The following CHCHD6 variants were observed in gnomAD, a reference collection of about 807,000 sequenced individuals.
CHCHD6 encodes MICOS complex subunit MIC25.
A neutral mutation model predicts 32.3 loss-of-function variants in CHCHD6; 28 were observed. The ratio of observed to expected loss-of-function variants is 0.87; its 90% CI spans 0.64 to 1.19. CHCHD6 has a LOEUF of 1.19. Ranked by LOEUF, CHCHD6 falls within the 50% of genes most tolerant of loss-of-function variation. The pLI is 0.00. For synonymous variants in CHCHD6, 122 were observed against 117.5 expected (o/e 1.04, Z -0.25); for missense variants, 333 against 307.0 (o/e 1.08, Z -0.63).
intron 5 of CHCHD6, among the ~76,000 whole-genome samples, chr3:126,900,246 C>T (rs1446196635): frequency 6.6e-6 from 1 of 152,112 alleles, no homozygotes; most frequent in East Asian, 1.9e-4. Context: ...ACCTCTATGT[C>T]CTGGGCAGGT....
chr3:126,912,438 G>A (rs1475609572), intron 5 of CHCHD6, among the ~76,000 whole-genome samples: 1 of 152,008 alleles, frequency 6.6e-6, no homozygotes, highest in Non-Finnish European at 1.5e-5. Context: ...CCCCCTTGCT[G>A]GGCATTTTGG....
At chr3:126,827,504 G>A (rs1167731221) in intron 4 of CHCHD6, among the ~76,000 whole-genome samples, 1 of 152,206 alleles carries the variant, frequency 6.6e-6, no homozygotes, top group African/African-American at 2.4e-5. Flanking sequence ...GCCTTGTGCT[G>A]CAGCAGCCCT....
intron 5 of CHCHD6, among the ~76,000 whole-genome samples, chr3:126,854,497 T>C (rs1024557902): frequency 6.6e-6 from 1 of 152,178 alleles, no homozygotes; most frequent in African/African-American, 2.4e-5. Flanking sequence ...TGAAAAAGGT[T>C]TTTGATCTTC....
chr3:126,953,736 C>T (rs1175577610), intron 6 of CHCHD6, among the ~76,000 whole-genome samples: 1 of 152,174 alleles, frequency 6.6e-6, no homozygotes, highest in Non-Finnish European at 1.5e-5. Flanking sequence ...TGGTGTGAAC[C>T]CCTTCGAAGC....
chr3:126,846,251 C>G (rs565431331), intron 4 of CHCHD6, among the ~76,000 whole-genome samples: 8 of 152,264 alleles, frequency 5.3e-5, no homozygotes, highest in African/African-American at 1.9e-4. Context: ...TTGCCCAGTG[C>G]TAACAGCTTT....
chr3:126,832,180 A>C (rs903279531), intron 4 of CHCHD6, among the ~76,000 whole-genome samples: 12 of 152,190 alleles, frequency 7.9e-5, no homozygotes, highest in Non-Finnish European at 1.8e-4. Flanking sequence ...CACACTTAGC[A>C]AGGTTCAGAA....
At chr3:126,941,280 A>C (rs532965642) in intron 6 of CHCHD6, among the ~76,000 whole-genome samples, 48 of 152,336 alleles carry the variant, frequency 3.2e-4, no homozygotes, top group Non-Finnish European at 6.6e-4. Flanking sequence ...TCCCATTAGC[A>C]CTGATATAAA....
At chr3:126,916,426 A>G (rs2078172559) in intron 6 of CHCHD6, among the ~76,000 whole-genome samples, 2 of 151,390 alleles carry the variant, frequency 1.3e-5, no homozygotes, top group African/African-American at 2.4e-5. Context: ...AAGAAGGCCA[A>G]TTATCCTGAA....
At chr3:126,910,927 G>A (rs184131964) in intron 5 of CHCHD6, among the ~76,000 whole-genome samples, 65 of 152,284 alleles carry the variant, frequency 4.3e-4, no homozygotes, top group Admixed American at 3.3e-3. Context: ...TGACAAGGAC[G>A]GGGTGCACAG....
chr3:126,885,470 C>T (rs2077666850), intron 5 of CHCHD6, among the ~76,000 whole-genome samples: 1 of 152,182 alleles, frequency 6.6e-6, no homozygotes, highest in Non-Finnish European at 1.5e-5. Flanking sequence ...TTAAAGAATC[C>T]AGCACCTCAG....
At chr3:126,723,165 T>C (rs1030151911) in intron 1 of CHCHD6, among the ~76,000 whole-genome samples, 1 of 152,202 alleles carries the variant, frequency 6.6e-6, no homozygotes, top group Admixed American at 6.5e-5. Flanking sequence ...ATATGTTTGG[T>C]CTTCTCTTGT....
chr3:126,852,785 C>A, intron 5 of CHCHD6, 55 bp downstream of exon 5: 1 of 1,181,746 alleles, frequency 8.5e-7, no homozygotes, highest in South Asian at 1.2e-5. Context: ...GGCATCTGAC[C>A]AGAACACATC....
At chr3:126,704,812 C>T (rs766388328) in intron 1 of CHCHD6, among the ~76,000 whole-genome samples, 1 of 152,190 alleles carries the variant, frequency 6.6e-6, no homozygotes, top group South Asian at 2.1e-4. Context: ...TCTTCCCCGC[C>T]GGCCTGTTCT....
At chr3:126,757,411 A>G (rs1936995258) in intron 4 of CHCHD6, among the ~76,000 whole-genome samples, 1 of 152,124 alleles carries the variant, frequency 6.6e-6, no homozygotes. Context: ...GTGGTGGGGC[A>G]GGGGGGCTCA....
intron 5 of CHCHD6, among the ~76,000 whole-genome samples, chr3:126,862,351 A>T (rs1181479725): frequency 4.3e-5 from 5 of 116,646 alleles, no homozygotes; most frequent in African/African-American, 1.4e-4. Flanking sequence ...CTCCTCCCCC[A>T]CTATCACCAC....
intron 3 of CHCHD6, among the ~76,000 whole-genome samples, chr3:126,731,134 A>T (rs1184047352): frequency 6.6e-6 from 1 of 151,948 alleles, no homozygotes; most frequent in Non-Finnish European, 1.5e-5. Flanking sequence ...AAATCATTTA[A>T]AAAAGCTAGG....
At chr3:126,883,469 T>C (rs2077638383) in intron 5 of CHCHD6, among the ~76,000 whole-genome samples, 1 of 152,210 alleles carries the variant, frequency 6.6e-6, no homozygotes, top group Non-Finnish European at 1.5e-5. Flanking sequence ...TGCTTGCTGA[T>C]GGAGAGAAAT....
intron 4 of CHCHD6, among the ~76,000 whole-genome samples, chr3:126,809,748 T>C (rs1939574700): frequency 6.6e-6 from 1 of 152,224 alleles, no homozygotes; most frequent in African/African-American, 2.4e-5. Context: ...AAACTGCTGA[T>C]TTCTTTGGGG....
chr3:126,847,887 C>A (rs967724924), intron 4 of CHCHD6, among the ~76,000 whole-genome samples: 63 of 152,232 alleles, frequency 4.1e-4, no homozygotes, highest in African/African-American at 1.5e-3. Flanking sequence ...CCTCTCCAGT[C>A]TTTCCTTCCT....
Sources: allele counts gnomAD v4.1 joint callset (sites outside exome capture counted in the v4.1 genomes callset), GRCh38; gene constraint gnomAD v4.1.1; transcripts MANE v1.5; gene names NCBI Gene and HGNC (gene_info 2026-07-23, HGNC 2026-07-21).